APOO: variants seen among roughly 807,000 people sequenced by gnomAD.
The protein encoded by APOO is apolipoprotein O.
A neutral mutation model predicts 23.1 loss-of-function variants in APOO; 11 were observed. The observed-to-expected ratio is 0.48, with a 90% CI of 0.30 to 0.79. The LOEUF is 0.79. Ranked by LOEUF, APOO falls within the 30% of genes least tolerant of loss-of-function variation. APOO has a pLI of 0.07. For synonymous variants in APOO, 59 were observed against 54.8 expected (o/e 1.08, Z -0.34); for missense variants, 160 against 142.7 (o/e 1.12, Z -0.62).
At chrX:23,881,776 A>T (rs1375639677) in intron 1 of APOO, among the ~76,000 whole-genome samples, 1 of 66,808 alleles carries the variant, frequency 1.5e-5, no homozygotes, top group Non-Finnish European at 2.3e-5. Flanking sequence ...GTCTCTACTA[A>T]AATTACAAAA....
intron 1 of APOO, among the ~76,000 whole-genome samples, chrX:23,907,473 C>T (rs1439861976): frequency 4.4e-5 from 5 of 112,558 alleles, no homozygotes; most frequent in African/African-American, 1.6e-4. Flanking sequence ...ACCCAAAGGG[C>T]CGCCCCCACC....
At chrX:23,893,638 G>A (rs1926771689) in intron 1 of APOO, among the ~76,000 whole-genome samples, 1 of 109,814 alleles carries the variant, frequency 9.1e-6, no homozygotes, top group Non-Finnish European at 1.9e-5. Flanking sequence ...CCACAATCTC[G>A]GCTCACTGCA....
intron 3 of APOO, among the ~76,000 whole-genome samples, chrX:23,878,165 T>C (rs749364844): frequency 1.8e-5 from 2 of 112,120 alleles, no homozygotes; most frequent in East Asian, 5.5e-4. Context: ...CTGATTTGTA[T>C]AGTGGGGGGA....
chrX:23,841,666 A>C (rs1479647015), intron 7 of APOO, among the ~76,000 whole-genome samples: 1 of 109,028 alleles, frequency 9.2e-6, no homozygotes, highest in African/African-American at 3.3e-5. Flanking sequence ...TACAGGACTG[A>C]GAATCTGTGC....
chrX:23,876,916 T>G (rs2147014392), intron 3 of APOO, among the ~76,000 whole-genome samples: 1 of 112,704 alleles, frequency 8.9e-6, no homozygotes, highest in East Asian at 2.8e-4. Flanking sequence ...TCATAAAGGC[T>G]TTGTTCTACC....
intron 1 of APOO, among the ~76,000 whole-genome samples, chrX:23,907,386 A>G (rs1184731185): frequency 1.8e-5 from 2 of 112,112 alleles, no homozygotes; most frequent in Non-Finnish European, 3.8e-5. Flanking sequence ...CGATCCCAAG[A>G]GGGTACTAGC....
At chrX:23,847,604 C>T (rs965075237) in intron 7 of APOO, among the ~76,000 whole-genome samples, 15 of 109,114 alleles carry the variant, frequency 1.4e-4, no homozygotes, top group Admixed American at 4.9e-4. Context: ...CCAGCCTGGG[C>T]GACAGTGCGA....
chrX:23,839,624 GA>G (rs1923877162), intron 8 of APOO, among the ~76,000 whole-genome samples: 1 of 111,425 alleles, frequency 9.0e-6, no homozygotes, highest in South Asian at 3.7e-4. Context: ...TTATAAAGAA[GA>G]AAAAAATATA....
At chrX:23,892,137 G>A (rs1169506683) in intron 1 of APOO, among the ~76,000 whole-genome samples, 3 of 109,519 alleles carry the variant, frequency 2.7e-5, no homozygotes. Context: ...AGGCTGGAGT[G>A]AAGTGGCGCA....
At chrX:23,854,722 C>T (rs2146982979) in intron 7 of APOO, among the ~76,000 whole-genome samples, 1 of 109,855 alleles carries the variant, frequency 9.1e-6, no homozygotes, top group African/African-American at 3.3e-5. Context: ...AGGGTTTCAT[C>T]ATGTTGGCCA....
At chrX:23,878,729 T>TC (rs1925971673) in intron 3 of APOO, among the ~76,000 whole-genome samples, 186 bp downstream of exon 3, 1 of 100,806 alleles carries the variant, frequency 9.9e-6, no homozygotes, top group East Asian at 3.0e-4. Flanking sequence ...CTACTTGCTA[T>TC]TTTTTTTTTT....
intron 7 of APOO, among the ~76,000 whole-genome samples, chrX:23,849,157 C>T (rs1289486525): frequency 1.8e-5 from 2 of 109,225 alleles, no homozygotes; most frequent in Non-Finnish European, 3.8e-5. Context: ...AGGCAGGTTT[C>T]GAACTCCTGA....
At chrX:23,892,258 T>A (rs1404766217) in intron 1 of APOO, among the ~76,000 whole-genome samples, 4 of 106,978 alleles carry the variant, frequency 3.7e-5, no homozygotes, top group Admixed American at 1.0e-4. Context: ...GCTAATTATT[T>A]TTTTTTTTTT....
chrX:23,835,166 A>G (rs2146957488), intron 8 of APOO, among the ~76,000 whole-genome samples: 1 of 106,814 alleles, frequency 9.4e-6, no homozygotes, highest in African/African-American at 3.4e-5. Context: ...GGTTCAAGCA[A>G]TTCTCCTGCC....
At chrX:23,879,659 T>C (rs1441974045) in intron 2 of APOO, among the ~76,000 whole-genome samples, 1 of 111,883 alleles carries the variant, frequency 8.9e-6, no homozygotes, top group Non-Finnish European at 1.9e-5. Context: ...CCACCTTAGA[T>C]TGAGCTTGGA....
intron 1 of APOO, among the ~76,000 whole-genome samples, chrX:23,902,253 T>C (rs1186732760): frequency 4.5e-5 from 5 of 111,951 alleles, no homozygotes; most frequent in Admixed American, 9.6e-5. Context: ...GTAAGTGCAT[T>C]GTGAGCTTCT....
At chrX:23,879,060 A>T in intron 2 of APOO, 26 bp from the exon 3 acceptor site, 1 of 1,198,015 alleles carries the variant, frequency 8.3e-7, no homozygotes. Context: ...CAAAACAAAG[A>T]TTTAAAAGAT....
chrX:23,902,252 TTG>T (rs2087979876), intron 1 of APOO, among the ~76,000 whole-genome samples: 1 of 111,878 alleles, frequency 8.9e-6, no homozygotes, highest in Non-Finnish European at 1.9e-5. Context: ...GGTAAGTGCA[TTG>T]TGAGCTTCTG....
intron 8 of APOO, chrX:23,836,620 A>C (rs1352509609): frequency 2.0e-5 from 13 of 656,721 alleles, no homozygotes; most frequent in African/African-American, 1.7e-4. Flanking sequence ...GCCCCAGCCT[A>C]ATTTCTTTTT....
Sources: gnomAD v4.1 joint callset for allele counts (sites outside exome capture counted in the v4.1 genomes callset) on GRCh38, gnomAD v4.1.1 for gene constraint, MANE v1.5 for transcripts, NCBI Gene and HGNC (gene_info 2026-07-23, HGNC 2026-07-21) for gene names.